The following FSTL4 variants were observed in gnomAD, a reference collection of about 807,000 sequenced individuals.
FSTL4 encodes follistatin-related protein 4.
In FSTL4, 28 loss-of-function variants were observed where a neutral mutation model predicts 78.2. The ratio of observed to expected loss-of-function variants is 0.36; its 90% confidence interval spans 0.27 to 0.49. The LOEUF is 0.49. Ranked by LOEUF, FSTL4 falls within the 20% of genes least tolerant of loss-of-function variation. The pLI, the probability that FSTL4 is intolerant of heterozygous loss-of-function variation, is 0.98. For missense variants in FSTL4, 922 were observed against 1,084.9 expected (o/e 0.85, Z 2.11); for synonymous variants, 422 against 440.5 (o/e 0.96, Z 0.53).
At chr5:133,669,303 G>A in the FSTL4 span, among the ~76,000 whole-genome samples, 1 of 152,220 alleles carries the variant, frequency 6.6e-6, no homozygotes, top group Non-Finnish European at 1.5e-5. Context: ...AGATGGGGGG[G>A]CAAGAGGGAG....
the FSTL4 span, among the ~76,000 whole-genome samples, chr5:133,775,589 G>A: frequency 2.0e-4 from 31 of 152,266 alleles, no homozygotes; most frequent in African/African-American, 7.0e-4. Context: ...AGTACATAGC[G>A]GAACTCCATT....
chr5:133,517,472 ACACACAC>A (rs1758884606), intron 3 of FSTL4, among the ~76,000 whole-genome samples: 1 of 11,400 alleles, frequency 8.8e-5, no homozygotes, highest in Non-Finnish European at 2.5e-4. Context: ...ATGCACACAC[ACACACAC>A]CACACACACA....
chr5:133,515,253 A>G (rs1235587046), intron 3 of FSTL4, among the ~76,000 whole-genome samples: 2 of 152,152 alleles, frequency 1.3e-5, no homozygotes, highest in Non-Finnish European at 1.5e-5. Context: ...AGGGCTAGGC[A>G]TGGTGGCTCA....
At chr5:133,523,772 A>G (rs572786251) in intron 3 of FSTL4, among the ~76,000 whole-genome samples, 2 of 152,302 alleles carry the variant, frequency 1.3e-5, no homozygotes, top group East Asian at 3.9e-4. Context: ...CCTAATATAC[A>G]ATTTATTATT....
intron 6 of FSTL4, among the ~76,000 whole-genome samples, chr5:133,303,959 C>G (rs988954986): frequency 6.6e-6 from 1 of 152,162 alleles, no homozygotes; most frequent in Non-Finnish European, 1.5e-5. Context: ...TCCCTGTTAC[C>G]CTCAGTTTGG....
intron 3 of FSTL4, among the ~76,000 whole-genome samples, chr5:133,487,611 C>T (rs1029685286): frequency 2.0e-5 from 3 of 152,126 alleles, no homozygotes; most frequent in Non-Finnish European, 4.4e-5. Context: ...CATTTCAGCA[C>T]GGTGCCTAGT....
intron 3 of FSTL4, among the ~76,000 whole-genome samples, chr5:133,433,285 C>A (rs1418510324): frequency 6.6e-6 from 1 of 152,184 alleles, no homozygotes; most frequent in Non-Finnish European, 1.5e-5. Flanking sequence ...TCCATTCCAC[C>A]TGCCTGTCCA....
chr5:133,736,106 G>T, the FSTL4 span, among the ~76,000 whole-genome samples: 2 of 152,184 alleles, frequency 1.3e-5, no homozygotes, highest in Non-Finnish European at 2.9e-5. Flanking sequence ...ACTGTGCAGG[G>T]CCTTGCAGAC....
the FSTL4 span, among the ~76,000 whole-genome samples, chr5:133,791,900 T>C: frequency 6.6e-6 from 1 of 152,254 alleles, no homozygotes; most frequent in Non-Finnish European, 1.5e-5. Flanking sequence ...ACATTCCCAC[T>C]GATCGCATTT....
At chr5:133,562,335 T>C (rs1759931752) in intron 3 of FSTL4, among the ~76,000 whole-genome samples, 2 of 152,166 alleles carry the variant, frequency 1.3e-5, no homozygotes, top group African/African-American at 2.4e-5. Context: ...AAATTAATGG[T>C]AAACAGAATG....
At chr5:133,716,411 A>AGT in the FSTL4 span, among the ~76,000 whole-genome samples, 1 of 151,220 alleles carries the variant, frequency 6.6e-6, no homozygotes, top group Admixed American at 6.6e-5. Flanking sequence ...TCTTATATAA[A>AGT]CTTAACCTGT....
intron 6 of FSTL4, among the ~76,000 whole-genome samples, chr5:133,252,607 G>T (rs962186399): frequency 7.5e-6 from 1 of 134,176 alleles, no homozygotes; most frequent in Admixed American, 7.8e-5. Flanking sequence ...GGGGAATGCA[G>T]GTGGGAGACA....
chr5:133,628,786 A>T, the FSTL4 span, among the ~76,000 whole-genome samples: 1 of 152,182 alleles, frequency 6.6e-6, no homozygotes, highest in Non-Finnish European at 1.5e-5. Context: ...TGAATAAAAA[A>T]ATAAAAAAAT....
chr5:133,377,855 T>C (rs1020289082), intron 4 of FSTL4, among the ~76,000 whole-genome samples: 3 of 151,874 alleles, frequency 2.0e-5, no homozygotes, highest in African/African-American at 4.8e-5. Context: ...ACTAAAAATA[T>C]AGAAAACAAA....
At chr5:133,456,627 C>T (rs1416189506) in intron 3 of FSTL4, among the ~76,000 whole-genome samples, 1 of 152,148 alleles carries the variant, frequency 6.6e-6, no homozygotes, top group Admixed American at 6.5e-5. Context: ...AGCTTTCTTT[C>T]TTTCCTTTTT....
chr5:133,493,985 G>T (rs1667801638), intron 3 of FSTL4, among the ~76,000 whole-genome samples: 1 of 152,116 alleles, frequency 6.6e-6, no homozygotes, highest in Admixed American at 6.5e-5. Context: ...TTATGAGAAA[G>T]AAATCCCAAT....
rs1477436544 is a variant in FSTL4, at chr5:133,455,072, C to T, written c.161-54086G>A. Among the ~76,000 whole-genome samples, 3 of 152,312 alleles carry T rather than the reference C, an allele frequency of 2.0e-5. No individual in the cohort carries two copies. The East Asian group carries it at 5.8e-4, about 29-fold the overall frequency. On this transcript the variant is annotated intron_variant, in intron 3 of 15. Transcript: ENST00000265342. ...GTTAAATGAAGGCATGAGTGTCAGG[C>T]TCCATACTAAAGGAGGAGGGTAGAG...
In FSTL4 at chr5:133,417,303, C is replaced by A. The variant is rs188893407; in HGVS notation, c.161-16317G>T. Among the ~76,000 whole-genome samples the A allele has an allele frequency of 3.8e-3, 562 of 146,710 alleles. 1 individual carries two copies. Among genetic ancestry groups the A allele is most frequent in the Non-Finnish European group, 5.9e-3 (395 of 66,566 alleles). ...GGGATCAATGAATTCAAAGACAGGT[C>A]AATAATAAAAAAGGCCTGTACTGAA... is the stretch of plus-strand genomic sequence containing the variant. On this transcript the variant is annotated intron_variant, in intron 3 of 15. Coordinates refer to ENST00000265342, the MANE Select transcript of FSTL4 (RefSeq NM_015082.2).
rs1053975757 is a variant in FSTL4 at position 133,361,109 on chromosome 5, T to G, written c.409+39629A>C. Among the ~76,000 whole-genome samples, 4 of 152,080 alleles carry G rather than the reference T, an allele frequency of 2.6e-5. No homozygotes were observed. Among genetic ancestry groups the G allele is most frequent in the African/African-American group, 9.7e-5 (4 of 41,394 alleles). The stretch of plus-strand genomic sequence containing the variant: ...TAAATGACCCAGAGTCAGGAGAACA[T>G]CAGATTAACTTTTTCTGAGCCCTTG... On this transcript the variant is annotated intron_variant, in intron 4 of 15. Coordinates refer to ENST00000265342, the MANE Select transcript of FSTL4 (RefSeq NM_015082.2). The surrounding 1 kb of genome is among the most constrained non-coding windows in gnomAD (Gnocchi z 4.3).
Sources: allele counts gnomAD v4.1 joint callset (sites outside exome capture counted in the v4.1 genomes callset), GRCh38; gene constraint gnomAD v4.1.1; non-coding constraint Gnocchi (gnomAD v3.1); transcripts MANE v1.5; gene names NCBI Gene and HGNC (gene_info 2026-07-23, HGNC 2026-07-21).